CAMTA1: variants seen among roughly 807,000 people sequenced by gnomAD.
CAMTA1 encodes calmodulin-binding transcription activator 1.
CAMTA1 carries 27 observed loss-of-function variants against 170.9 expected under a neutral mutation model. That is an observed-to-expected ratio of 0.16 (90% CI 0.12 to 0.22). CAMTA1 has a LOEUF of 0.22. Ranked by LOEUF, CAMTA1 falls within the 10% of genes least tolerant of loss-of-function variation. The probability of loss-of-function intolerance (pLI) is 1.00; values close to 1 mark genes in which losing one functional copy is unlikely to be tolerated. For missense variants in CAMTA1, 1,619 were observed against 2,217.2 expected, an observed-to-expected ratio of 0.73 and a Z score of 5.42; for synonymous variants, 833 against 891.5, an observed-to-expected ratio of 0.93 and a Z score of 1.17.
chr1:7,427,425 A>G (rs2091920934), intron 5 of CAMTA1, among the ~76,000 whole-genome samples: 2 of 152,170 alleles, frequency 1.3e-5, no homozygotes, highest in African/African-American at 4.8e-5. Context: ...CTCAGACACC[A>G]CTGATTGTCA....
At chr1:7,170,473 A>G (rs1649379182) in intron 4 of CAMTA1, among the ~76,000 whole-genome samples, 1 of 151,920 alleles carries the variant, frequency 6.6e-6, no homozygotes, top group South Asian at 2.1e-4. Context: ...CTTGCCCTCC[A>G]ACCCCGACAG....
chr1:7,075,160 C>T (rs1428328366), intron 3 of CAMTA1, among the ~76,000 whole-genome samples: 2 of 152,150 alleles, frequency 1.3e-5, no homozygotes, highest in East Asian at 1.9e-4. Flanking sequence ...TTGGTCACAA[C>T]TTTGGTCATA....
At chr1:7,624,645 G>A (rs1384160173) in intron 6 of CAMTA1, among the ~76,000 whole-genome samples, 2 of 152,230 alleles carry the variant, frequency 1.3e-5, no homozygotes, top group Non-Finnish European at 2.9e-5. Flanking sequence ...GATCCAGGAT[G>A]AGTGTCCCCA....
rs77942664 is a variant in CAMTA1, at chr1:7,397,957, C to T, written c.439-69873C>T. On this transcript the variant is annotated intron_variant, in intron 5 of 22. Coordinates refer to ENST00000303635, the MANE Select transcript of CAMTA1 (RefSeq NM_015215.4). ...GCTGTAGAGAAGAATGTATATTCTG[C>T]AGCTGCTGGATAAAATGTTCTGTAA... Among the ~76,000 whole-genome samples, 1,241 of 151,818 alleles carry T rather than the reference C, an allele frequency of 8.2e-3. 30 individuals carry two copies. The highest frequency in any genetic ancestry group is 0.061 in the East Asian group (317 of 5,180).
chr1:7,062,140 A>G (rs894105358), intron 3 of CAMTA1, among the ~76,000 whole-genome samples: 3 of 151,670 alleles, frequency 2.0e-5, no homozygotes, highest in Admixed American at 6.6e-5. Context: ...CTGGTCTCGA[A>G]CTCCTGACCT....
chr1:7,671,089 C>T, intron 10 of CAMTA1, 52 bp downstream of exon 10: 1 of 1,598,638 alleles, frequency 6.3e-7, no homozygotes, highest in Non-Finnish European at 8.5e-7. Flanking sequence ...GCCTGAGGAG[C>T]ACTGGACTCG....
chr1:7,525,289 A>G (rs1284189130), intron 6 of CAMTA1, among the ~76,000 whole-genome samples: 2 of 144,140 alleles, frequency 1.4e-5, no homozygotes, highest in Non-Finnish European at 3.0e-5. Flanking sequence ...TCACCCCCCT[A>G]CACACACATA....
intron 3 of CAMTA1, among the ~76,000 whole-genome samples, chr1:6,885,070 A>C (rs1386737395): frequency 6.6e-6 from 1 of 152,224 alleles, no homozygotes; most frequent in Non-Finnish European, 1.5e-5. Flanking sequence ...TTAAGCAAGA[A>C]ATTAAAAGAA....
intron 3 of CAMTA1, among the ~76,000 whole-genome samples, chr1:6,997,315 C>G (rs1362083975): frequency 6.6e-6 from 1 of 152,042 alleles, no homozygotes; most frequent in African/African-American, 2.4e-5. Context: ...TTAAAGTCTC[C>G]AACCAAACCT....
intron 5 of CAMTA1, among the ~76,000 whole-genome samples, chr1:7,398,193 C>CTCTCTCTCTCTCTA (rs1557651862): frequency 1.8e-4 from 3 of 16,902 alleles, no homozygotes; most frequent in African/African-American, 5.8e-4. Context: ...CTCTCTCTCT[C>CTCTCTCTCTCTCTA]TATATATATA....
At chr1:7,297,528 C>T (rs941752042) in intron 5 of CAMTA1, among the ~76,000 whole-genome samples, 3 of 152,232 alleles carry the variant, frequency 2.0e-5, no homozygotes, top group Non-Finnish European at 4.4e-5. Flanking sequence ...AGCTTTCAGT[C>T]TTATAACAGC....
chr1:7,455,236 G>A lies in CAMTA1; in HGVS notation c.439-12594G>A, dbSNP rs2092922860. On this transcript the variant is annotated intron_variant, in intron 5 of 22. Transcript: ENST00000303635. This position sits in a 1 kb window ranked among gnomAD's most constrained non-coding sequence, Gnocchi z 5.0. Reference sequence around the variant, plus strand: ...AGGAGCCGCGGCTCGGCATGGTTCTGCGTGTGTGTTTCCGACACTGGCTCC... The same window carrying A: ...AGGAGCCGCGGCTCGGCATGGTTCTACGTGTGTGTTTCCGACACTGGCTCC... Among the ~76,000 whole-genome samples, 1 of 152,216 alleles carries A rather than the reference G, an allele frequency of 6.6e-6. No homozygotes were observed. Among genetic ancestry groups the A allele is most frequent in the Non-Finnish European group, 1.5e-5 (1 of 68,044 alleles).
At chr1:7,411,510 G>A (rs2090747904) in intron 5 of CAMTA1, among the ~76,000 whole-genome samples, 1 of 121,430 alleles carries the variant, frequency 8.2e-6, no homozygotes, top group African/African-American at 3.3e-5. Context: ...CTGCACTCCA[G>A]CCTGGTGAGA....
At chr1:7,281,744 A>G (rs915787058) in intron 5 of CAMTA1, among the ~76,000 whole-genome samples, 1 of 151,390 alleles carries the variant, frequency 6.6e-6, no homozygotes, top group African/African-American at 2.4e-5. Flanking sequence ...TCATTGCAAA[A>G]TTTTCCAAAT....
chr1:6,941,146 C>T (rs529976300), intron 3 of CAMTA1, among the ~76,000 whole-genome samples: 2 of 152,206 alleles, frequency 1.3e-5, no homozygotes, highest in African/African-American at 4.8e-5. Flanking sequence ...GTGTTTCCCT[C>T]GTCCTGTCTG....
chr1:7,148,240 ACACT>A (rs992601944), intron 4 of CAMTA1, among the ~76,000 whole-genome samples: 5 of 151,774 alleles, frequency 3.3e-5, no homozygotes, highest in African/African-American at 4.8e-5. Context: ...CACACACCAC[ACACT>A]CACACATACA....
intron 4 of CAMTA1, among the ~76,000 whole-genome samples, chr1:7,122,319 A>T (rs147945089): frequency 2.0e-5 from 3 of 152,128 alleles, no homozygotes; most frequent in African/African-American, 7.2e-5. Context: ...CACCCCAGGG[A>T]TGAGTGAGAA....
chr1:7,418,899 C>A (rs1443729675), intron 5 of CAMTA1, among the ~76,000 whole-genome samples: 1 of 152,180 alleles, frequency 6.6e-6, no homozygotes, highest in African/African-American at 2.4e-5. Flanking sequence ...GCCACCTCCA[C>A]CCCAGGCGCT....
At chr1:7,322,054 A>G (rs1216649881) in intron 5 of CAMTA1, among the ~76,000 whole-genome samples, 3 of 152,178 alleles carry the variant, frequency 2.0e-5, no homozygotes, top group African/African-American at 7.2e-5. Context: ...GGCCTGGAAG[A>G]TTTGGAAGAG....
Sources: allele counts gnomAD v4.1 joint callset (sites outside exome capture counted in the v4.1 genomes callset), GRCh38; gene constraint gnomAD v4.1.1; non-coding constraint Gnocchi (gnomAD v3.1); transcripts MANE v1.5; gene names NCBI Gene and HGNC (gene_info 2026-07-23, HGNC 2026-07-21).